Variants in CLASP1 observed in about 807,000 individuals in gnomAD.
The protein encoded by CLASP1 is cytoplasmic linker associated protein 1.
A neutral mutation model predicts 192.3 loss-of-function variants in CLASP1; 38 were observed. That is an observed-to-expected ratio of 0.20 (90% confidence interval 0.15 to 0.26). The LOEUF is 0.26. Ranked by LOEUF, CLASP1 falls within the 10% of genes least tolerant of loss-of-function variation. The pLI is 1.00. For synonymous variants in CLASP1, 691 were observed against 712.8 expected (o/e 0.97, Z 0.49); for missense variants, 1,433 against 1,932.5 (o/e 0.74, Z 4.85).
intron 29 of CLASP1, 131 bp downstream of exon 30, chr2:121,398,191 A>T: frequency 1.4e-6 from 1 of 692,278 alleles, no homozygotes; most frequent in Non-Finnish European, 2.4e-6. Flanking sequence ...GAACATGTCC[A>T]CAAAGAATCA....
chr2:121,427,006 GTGTT>G (rs556321736), intron 21 of CLASP1, among the ~76,000 whole-genome samples: 39 of 151,756 alleles, frequency 2.6e-4, no homozygotes, highest in Non-Finnish European at 3.7e-4. Context: ...ATTTATATGT[GTGTT>G]TATTTTAAAT....
rs548567117 is a variant in CLASP1 at position 121,366,506 on chromosome 2, G to T, written c.3886+1082C>A. ...AGAGGATCAGCTTTCTTTTCTTTGTGCCCCGACTGGATCTGGCATCTGCCT... is the reference window on the plus strand; with the variant it reads ...AGAGGATCAGCTTTCTTTTCTTTGTTCCCCGACTGGATCTGGCATCTGCCT... On this transcript the variant is annotated intron_variant, in intron 35 of 39. Transcript: ENST00000263710. 4.6e-5 allele frequency among the ~76,000 whole-genome samples: 7 copies of T among 152,218 alleles called. No homozygotes were observed. The South Asian group carries it at 1.5e-3, about 32-fold the overall frequency.
At chr2:121,529,983 G>GGGGA (rs1168044499) in intron 3 of CLASP1, among the ~76,000 whole-genome samples, 1 of 152,216 alleles carries the variant, frequency 6.6e-6, no homozygotes, top group Non-Finnish European at 1.5e-5. Flanking sequence ...CAAAGGTATG[G>GGGGA]GGGAGGGTAA....
chr2:121,535,479 CA>C (rs1230373231), intron 2 of CLASP1, among the ~76,000 whole-genome samples: 2 of 151,798 alleles, frequency 1.3e-5, no homozygotes, highest in Non-Finnish European at 2.9e-5. Context: ...GAGAACTAAA[CA>C]GGAAACTAAG....
At chr2:121,495,023 A>AAAAT (rs1019720544) in intron 8 of CLASP1, among the ~76,000 whole-genome samples, 8 of 151,164 alleles carry the variant, frequency 5.3e-5, no homozygotes, top group African/African-American at 1.7e-4. Flanking sequence ...CTCCATCTAA[A>AAAAT]AAATAAATAA....
chr2:121,448,242 G>C, intron 18 of CLASP1, 34 bp downstream of exon 18: 1 of 1,598,442 alleles, frequency 6.3e-7, no homozygotes, highest in Non-Finnish European at 8.6e-7. Context: ...CACCAGAGCG[G>C]AGAACAGGCC....
At chr2:121,451,717 T>A in intron 15 of CLASP1, 73 bp downstream of exon 15, 1 of 1,189,992 alleles carries the variant, frequency 8.4e-7, no homozygotes. Flanking sequence ...GAAAGCCAGC[T>A]GGACCACTCA....
chr2:121,552,529 G>A (rs559126431), intron 2 of CLASP1, among the ~76,000 whole-genome samples: 29 of 152,058 alleles, frequency 1.9e-4, no homozygotes, highest in African/African-American at 6.8e-4. Context: ...ACAGGCAAAG[G>A]ACATGAACAG....
Position 121,344,568 on chromosome 2 carries a change from T to C in CLASP1, c.4530+2470A>G, listed in dbSNP as rs569404473. The stretch of plus-strand genomic sequence containing the variant: ...CTGGTCTTGAACTCCTGACCTCAGA[T>C]GATCCGCCCGCCTCGGCCTCCCAAA... On this transcript the variant is annotated intron_variant, in intron 39 of 39. Coordinates refer to ENST00000263710, the Ensembl canonical transcript of CLASP1. Among the ~76,000 whole-genome samples, 3 of 152,092 alleles carry C rather than the reference T, an allele frequency of 2.0e-5. No individual in the cohort carries two copies. In the South Asian group the frequency reaches 6.2e-4, roughly 32 times the overall value.
At chr2:121,549,948 G>A (rs1278791800) in intron 2 of CLASP1, among the ~76,000 whole-genome samples, 1 of 146,928 alleles carries the variant, frequency 6.8e-6, no homozygotes, top group Non-Finnish European at 1.5e-5. Context: ...GGAGCTTGCA[G>A]TGAGCCAAGA....
chr2:121,597,948 C>G (rs941397976), intron 2 of CLASP1, among the ~76,000 whole-genome samples: 1 of 152,194 alleles, frequency 6.6e-6, no homozygotes, highest in Non-Finnish European at 1.5e-5. Flanking sequence ...TCCCTTCTCA[C>G]CTGATGAGGG....
intron 14 of CLASP1, among the ~76,000 whole-genome samples, chr2:121,454,508 GC>G (rs1225299072): frequency 6.6e-6 from 1 of 151,986 alleles, no homozygotes; most frequent in Non-Finnish European, 1.5e-5. Context: ...ATCGTCTTGG[GC>G]CACAAATAAA....
At chr2:121,415,939 T>C (rs939042402) in intron 23 of CLASP1, among the ~76,000 whole-genome samples, 2 of 152,112 alleles carry the variant, frequency 1.3e-5, no homozygotes, top group Non-Finnish European at 2.9e-5. Flanking sequence ...AAGGAAAATA[T>C]CCCTTTCTCA....
chr2:121,612,789 T>G (rs1003639563), intron 1 of CLASP1, among the ~76,000 whole-genome samples: 2 of 152,176 alleles, frequency 1.3e-5, no homozygotes, highest in African/African-American at 2.4e-5. Flanking sequence ...GATACAAACA[T>G]AAACAGGACT....
chr2:121,620,442 G>A (rs969665050), intron 1 of CLASP1, among the ~76,000 whole-genome samples: 2 of 151,692 alleles, frequency 1.3e-5, no homozygotes, highest in East Asian at 2.0e-4. Context: ...CTCTGCCTCC[G>A]GGGTTCAAGC....
At chr2:121,403,386 T>C (rs2076421881) in intron 26 of CLASP1, 3 of 456,474 alleles carry the variant, frequency 6.6e-6, no homozygotes, top group Non-Finnish European at 8.8e-6. Context: ...GGATGGATGT[T>C]TGATATTTCA....
intron 8 of CLASP1, among the ~76,000 whole-genome samples, chr2:121,502,755 T>A (rs1347058775): frequency 6.6e-6 from 1 of 152,196 alleles, no homozygotes; most frequent in Non-Finnish European, 1.5e-5. Context: ...ACCACCCGAC[T>A]TGTATTCTGA....
Position 121,649,312 on chromosome 2 carries a change from A to T in CLASP1, c.-286+60T>A, listed in dbSNP as rs553799611. On this transcript the variant is annotated intron_variant, in intron 1 of 39. Transcript: ENST00000263710. ...GACCCGGCGCCCGCCACTGCGCGGG[A>T]GGGGCCAGGGCCGCGAGAGGGCTCG... 5.6e-4 allele frequency: 85 copies of T among 152,122 alleles called. 1 individual carries two copies. The highest frequency in any genetic ancestry group is 2.1e-3 in the Admixed American group (32 of 15,286). 9.4% of individuals were successfully genotyped at this position (152,122 alleles called of 1,614,324 possible).
At chr2:121,645,644 G>A (rs2073046238) in intron 1 of CLASP1, among the ~76,000 whole-genome samples, 1 of 152,184 alleles carries the variant, frequency 6.6e-6, no homozygotes, top group African/African-American at 2.4e-5. Context: ...AAATGCACAA[G>A]AGTGAATCTA....
Sources: allele counts gnomAD v4.1 joint callset (sites outside exome capture counted in the v4.1 genomes callset), GRCh38; gene constraint gnomAD v4.1.1; transcripts MANE v1.5; gene names NCBI Gene and HGNC (gene_info 2026-07-23, HGNC 2026-07-21).